PDE1A: variants seen among roughly 807,000 people sequenced by gnomAD.
PDE1A encodes the protein dual specificity calcium/calmodulin-dependent 3',5'-cyclic nucleotide phosphodiesterase 1A.
Under a neutral mutation model 61.7 loss-of-function variants are expected in PDE1A, and 35 were observed. That is an observed-to-expected ratio of 0.57 (90% confidence interval 0.43 to 0.75). The LOEUF (loss-of-function observed/expected upper bound fraction) is 0.75, where lower values mean the gene tolerates loss of function less well. Ranked by LOEUF, PDE1A falls within the 30% of genes least tolerant of loss-of-function variation. The pLI, the probability that PDE1A is intolerant of heterozygous loss-of-function variation, is 0.00. For missense variants in PDE1A, 597 were observed against 630.6 expected (o/e 0.95, Z 0.57); for synonymous variants, 232 against 213.2 (o/e 1.09, Z -0.77).
At chr2:182,594,796 G>T in the PDE1A span, among the ~76,000 whole-genome samples, 1 of 152,168 alleles carries the variant, frequency 6.6e-6, no homozygotes, top group African/African-American at 2.4e-5. Flanking sequence ...ATTTAGCACA[G>T]AGATCTACCA....
At chr2:182,485,121 C>T (rs966954382) in intron 2 of PDE1A, among the ~76,000 whole-genome samples, 1 of 151,960 alleles carries the variant, frequency 6.6e-6, no homozygotes, top group African/African-American at 2.4e-5. Flanking sequence ...AACCTAAATG[C>T]CTATCAGTAA....
chr2:182,249,924 C>A (rs995562310), intron 2 of PDE1A, among the ~76,000 whole-genome samples: 2 of 152,086 alleles, frequency 1.3e-5, no homozygotes, highest in Non-Finnish European at 2.9e-5. Context: ...TGAGAAAGAT[C>A]TAATTATTAT....
chr2:182,226,158 G>A (rs1469534780), intron 6 of PDE1A, among the ~76,000 whole-genome samples: 1 of 149,250 alleles, frequency 6.7e-6, no homozygotes, highest in African/African-American at 2.6e-5. Flanking sequence ...ATATAGCTGT[G>A]GTTTTAAAAA....
chr2:182,411,755 T>C (rs1400417972), intron 1 of PDE1A, among the ~76,000 whole-genome samples: 2 of 152,092 alleles, frequency 1.3e-5, no homozygotes, highest in Non-Finnish European at 2.9e-5. Context: ...AGACCAGTGA[T>C]GTTGCTCAAC....
intron 2 of PDE1A, among the ~76,000 whole-genome samples, chr2:182,484,610 T>C (rs1687902635): frequency 6.6e-6 from 1 of 151,968 alleles, no homozygotes; most frequent in Admixed American, 6.6e-5. Context: ...TTGCAAACTA[T>C]GCATCTGACA....
At chr2:182,466,128 T>C (rs372709318) in intron 2 of PDE1A, among the ~76,000 whole-genome samples, 25 of 152,046 alleles carry the variant, frequency 1.6e-4, no homozygotes, top group African/African-American at 6.0e-4. Context: ...TGTCTTTAAA[T>C]GCATACGTTT....
chr2:182,357,895 A>C (rs1424044289), intron 1 of PDE1A, among the ~76,000 whole-genome samples: 2 of 152,180 alleles, frequency 1.3e-5, no homozygotes, highest in African/African-American at 2.4e-5. Context: ...AGATCATGAA[A>C]TATATGTTAG....
the PDE1A span, among the ~76,000 whole-genome samples, chr2:182,660,355 T>C: frequency 6.6e-6 from 1 of 152,338 alleles, no homozygotes; most frequent in South Asian, 2.1e-4. Flanking sequence ...TCTGCATATA[T>C]GCAGGATCTG....
At chr2:182,559,797 G>A in the PDE1A span, among the ~76,000 whole-genome samples, 1 of 152,162 alleles carries the variant, frequency 6.6e-6, no homozygotes, top group African/African-American at 2.4e-5. Flanking sequence ...ACAGCCATCA[G>A]AATTAATCAT....
At chr2:182,206,532 C>T (rs1687118375) in intron 7 of PDE1A, among the ~76,000 whole-genome samples, 1 of 152,166 alleles carries the variant, frequency 6.6e-6, no homozygotes, top group South Asian at 2.1e-4. Flanking sequence ...TTCTCTGCCC[C>T]AAATCCCTCT....
the PDE1A span, among the ~76,000 whole-genome samples, chr2:182,602,687 A>G: frequency 6.6e-6 from 1 of 152,216 alleles, no homozygotes; most frequent in Non-Finnish European, 1.5e-5. Context: ...ATTGGTGGTG[A>G]TTTGGAAGCA....
intron 2 of PDE1A, among the ~76,000 whole-genome samples, chr2:182,505,084 A>AT (rs1332086165): frequency 6.6e-6 from 1 of 152,128 alleles, no homozygotes; most frequent in Non-Finnish European, 1.5e-5. Flanking sequence ...TCAGCAGGCA[A>AT]TTTTCTCTCA....
intron 1 of PDE1A, among the ~76,000 whole-genome samples, chr2:182,296,681 G>A (rs764404476): frequency 1.3e-4 from 20 of 152,164 alleles, no homozygotes; most frequent in Non-Finnish European, 1.5e-5. Flanking sequence ...CTGGATGTGT[G>A]TGATGATTAA....
At chr2:182,610,098 A>AC in the PDE1A span, among the ~76,000 whole-genome samples, 22 of 152,006 alleles carry the variant, frequency 1.4e-4, no homozygotes, top group South Asian at 1.0e-3. Flanking sequence ...AAAAAAAAAA[A>AC]AAAAGAAAGA....
At chr2:182,692,807 T>C in the PDE1A span, among the ~76,000 whole-genome samples, 7 of 151,806 alleles carry the variant, frequency 4.6e-5, no homozygotes, top group African/African-American at 1.7e-4. Context: ...TACACAGTAG[T>C]CAGTGTAAAC....
At chr2:182,572,016 C>T in the PDE1A span, among the ~76,000 whole-genome samples, 1 of 152,194 alleles carries the variant, frequency 6.6e-6, no homozygotes, top group Non-Finnish European at 1.5e-5. Flanking sequence ...GCTAACTCCC[C>T]TTAGAAAGAT....
chr2:182,483,976 GAAC>G (rs138377450), intron 2 of PDE1A, among the ~76,000 whole-genome samples: 12,278 of 151,798 alleles, frequency 0.081, 543 homozygotes, highest in African/African-American at 0.12. Flanking sequence ...AGAATATTTT[GAAC>G]AACTCTATGC....
the PDE1A span, among the ~76,000 whole-genome samples, chr2:182,583,542 T>C: frequency 6.6e-6 from 1 of 152,190 alleles, no homozygotes. Flanking sequence ...TTACTTTTCC[T>C]TTGGGTAAGT....
chr2:182,698,509 T>C, the PDE1A span, among the ~76,000 whole-genome samples: 1 of 152,210 alleles, frequency 6.6e-6, no homozygotes, highest in Non-Finnish European at 1.5e-5. Flanking sequence ...AAATATTATA[T>C]ACTATAGCAT....
Sources: gnomAD v4.1 joint callset for allele counts (sites outside exome capture counted in the v4.1 genomes callset) on GRCh38, gnomAD v4.1.1 for gene constraint, MANE v1.5 for transcripts, NCBI Gene and HGNC (gene_info 2026-07-23, HGNC 2026-07-21) for gene names.